The following LMOD1 variants were observed in gnomAD, a reference collection of about 807,000 sequenced individuals.
LMOD1 encodes leiomodin-1.
LMOD1 carries 8 observed loss-of-function variants against 36.5 expected under a neutral mutation model. The ratio of observed to expected loss-of-function variants is 0.22; its 90% CI spans 0.13 to 0.40. The LOEUF is 0.40. Ranked by LOEUF, LMOD1 falls within the 10% of genes least tolerant of loss-of-function variation. The probability of loss-of-function intolerance (pLI) is 1.00; values close to 1 mark genes in which losing one functional copy is unlikely to be tolerated. For synonymous variants in LMOD1, 284 were observed against 288.7 expected, an observed-to-expected ratio of 0.98 and a Z score of 0.17; for missense variants, 630 against 751.1, an observed-to-expected ratio of 0.84 and a Z score of 1.88.
chr1:201,927,334 G>A (rs10800798), intron 1 of LMOD1, among the ~76,000 whole-genome samples: 31,642 of 152,016 alleles, frequency 0.21, 3,718 homozygotes, highest in East Asian at 0.42. Flanking sequence ...TTGGGAGGCC[G>A]AGGTGGGAGG....
chr1:201,916,878 G>T (rs1031968338), intron 1 of LMOD1, among the ~76,000 whole-genome samples: 19 of 152,182 alleles, frequency 1.2e-4, no homozygotes, highest in African/African-American at 4.1e-4. Flanking sequence ...AAACAGAAAC[G>T]CCATGATTCA....
intron 1 of LMOD1, among the ~76,000 whole-genome samples, chr1:201,901,677 C>CAT (rs1320850090): frequency 7.9e-5 from 7 of 88,598 alleles, no homozygotes; most frequent in African/African-American, 2.2e-4. Flanking sequence ...TATATATACA[C>CAT]ATATATATAT....
chr1:201,908,461 T>A (rs1487591367), intron 1 of LMOD1, among the ~76,000 whole-genome samples: 4 of 152,154 alleles, frequency 2.6e-5, no homozygotes, highest in Non-Finnish European at 5.9e-5. Flanking sequence ...AACATACTTT[T>A]GGGAATGTTC....
At chr1:201,946,055 C>T in intron 1 of LMOD1, 25 bp downstream of exon 1, 1 of 1,598,324 alleles carries the variant, frequency 6.3e-7, no homozygotes, top group Non-Finnish European at 8.6e-7. Context: ...TCTCCCTCCT[C>T]CCCTCCAGGG....
Position 201,900,140 on chromosome 1 carries a change from G to C in LMOD1, c.873C>G (p.Pro291=). ...TGGGGCCACTGGGCGTCTGTTTCTC[G>C]GGTGTTTTGGTCTTGCTGTCATCCT... ...EAKDDSKTKT[P]EKQTPSGPTK... is the part of the protein sequence containing the mutation. Residue 291 remains proline, a synonymous_variant, in exon 2 of 3, where the codon CCC becomes CCG. Coordinates refer to ENST00000367288, the MANE Select transcript of LMOD1 (RefSeq NM_012134.3). The C allele has an allele frequency of 6.2e-7, 1 of 1,613,860 alleles. No homozygotes were observed. The highest frequency in any genetic ancestry group is 1.3e-5 in the African/African-American group (1 of 74,992).
chr1:201,936,673 A>G (rs923026821), intron 1 of LMOD1, among the ~76,000 whole-genome samples: 5 of 152,132 alleles, frequency 3.3e-5, no homozygotes, highest in Admixed American at 2.6e-4. Flanking sequence ...GTGGTGGCTC[A>G]CACCTGTAAT....
Position 201,898,293 on chromosome 1 carries a change from G to C in LMOD1, c.*79C>G. On this transcript the variant is annotated 3_prime_UTR_variant, in exon 3 of 3. Transcript: ENST00000367288. Reference sequence around the variant, plus strand: ...CCACAGCAGGTCAGCCAGGGATGGGGTGGGCAGGGTCTGTGTAGCCCTGGG... The same window carrying C: ...CCACAGCAGGTCAGCCAGGGATGGGCTGGGCAGGGTCTGTGTAGCCCTGGG... 1 of 1,453,606 alleles carries C rather than the reference G, an allele frequency of 6.9e-7. No homozygotes were observed. Among genetic ancestry groups the C allele is most frequent in the Non-Finnish European group, 9.5e-7 (1 of 1,047,616 alleles). The allele number at this position is 1,453,606 out of a possible 1,614,324, so 90.0% of individuals were successfully genotyped here. A position where few individuals can be genotyped will look rare whatever the true frequency, so the allele number is the denominator to read the frequency against.
rs1288029091 is a variant in LMOD1, at chr1:201,896,766, C to G, written c.*1606G>C. 4 of 454,172 alleles carry G rather than the reference C, an allele frequency of 8.8e-6. No homozygotes were observed. Among genetic ancestry groups the G allele is most frequent in the Non-Finnish European group, 1.8e-5 (4 of 226,124 alleles). 28.1% of individuals were successfully genotyped at this position (454,172 alleles called of 1,614,324 possible). On this transcript the variant is annotated 3_prime_UTR_variant, in exon 3 of 3. Transcript: ENST00000367288. ...GTGATTGCTTAGGTGACTGGGGTGA[C>G]AGGCAAGTGGGTGGAGGGAATGGAG...
At position 201,899,937 on chromosome 1, in the gene LMOD1, G is replaced by A; in HGVS notation, c.1076C>T (p.Thr359Ile). Residue 359 changes from threonine to isoleucine, a missense_variant, in exon 2 of 3, where the codon ACT becomes ATT. Thr to Ile is a moderately conservative substitution (Grantham distance 89, BLOSUM62 -1). Transcript: ENST00000367288. The surrounding 1 kb of genome is among the most constrained non-coding windows in gnomAD (Gnocchi z 6.3). ...VRFTEALEFN[T>I]VVKLFALANT... The stretch of plus-strand genomic sequence containing the variant: ...GGCCAAGGCGAACAGCTTAACCACA[G>A]TGTTGAACTCCAGAGCCTCAGTAAA... The A allele has an allele frequency of 6.2e-7, 1 of 1,613,996 alleles. No homozygotes were observed. The highest frequency in any genetic ancestry group is 8.5e-7 in the Non-Finnish European group (1 of 1,179,882).
intron 1 of LMOD1, among the ~76,000 whole-genome samples, chr1:201,901,898 T>C (rs1008091211): frequency 8.7e-5 from 13 of 148,848 alleles, no homozygotes; most frequent in Non-Finnish European, 1.3e-4. Flanking sequence ...GATCAACATA[T>C]GCTAACATTT....
rs1681241385 is a variant in LMOD1 at position 201,899,009 on chromosome 1, A to C, written c.1776+228T>G. On this transcript the variant is annotated intron_variant, in intron 2 of 2. Coordinates refer to ENST00000367288, the MANE Select transcript of LMOD1 (RefSeq NM_012134.3). This position sits in a 1 kb window ranked among gnomAD's most constrained non-coding sequence, Gnocchi z 6.3. Reference sequence around the variant, plus strand: ...AAGCATGGAGTGAGGTATTAAAGGAAGCTCCTTAAAGGAAGGGTAGAGTCT... The same window carrying C: ...AAGCATGGAGTGAGGTATTAAAGGACGCTCCTTAAAGGAAGGGTAGAGTCT... Among the ~76,000 whole-genome samples, 1 of 152,160 alleles carries C rather than the reference A, an allele frequency of 6.6e-6. No individual in the cohort carries two copies. Among genetic ancestry groups the C allele is most frequent in the Non-Finnish European group, 1.5e-5 (1 of 68,034 alleles).
intron 1 of LMOD1, among the ~76,000 whole-genome samples, chr1:201,901,754 A>G (rs1449044288): frequency 2.1e-5 from 3 of 144,716 alleles, no homozygotes; most frequent in Non-Finnish European, 3.0e-5. Flanking sequence ...ATCCGCTTAT[A>G]TTCTGTGCCC....
intron 1 of LMOD1, among the ~76,000 whole-genome samples, chr1:201,917,419 A>G (rs1404932731): frequency 6.6e-6 from 1 of 152,234 alleles, no homozygotes; most frequent in African/African-American, 2.4e-5. Context: ...TGCAATAGCT[A>G]AGACTTCACA....
intron 1 of LMOD1, among the ~76,000 whole-genome samples, chr1:201,907,984 C>T (rs1311220211): frequency 6.6e-6 from 1 of 152,118 alleles, no homozygotes; most frequent in Non-Finnish European, 1.5e-5. Context: ...GGCATGCCCC[C>T]CACCATAGAG....
Position 201,896,486 on chromosome 1 carries a change from A to T in LMOD1, c.*1886T>A, listed in dbSNP as rs1229770734. ...TCTGACTTTTATTAGCTGTGTGATC[A>T]TGGATATATTAGTTAACCTCTCTGG... is the stretch of plus-strand genomic sequence containing the variant. On this transcript the variant is annotated 3_prime_UTR_variant, in exon 3 of 3. Coordinates refer to ENST00000367288, the MANE Select transcript of LMOD1 (RefSeq NM_012134.3). 1 of 456,700 alleles carries T rather than the reference A, an allele frequency of 2.2e-6. No homozygotes were observed. Among genetic ancestry groups the T allele is most frequent in the East Asian group, 6.9e-5 (1 of 14,396 alleles). The allele number at this position is 456,700 out of a possible 1,614,324, so 28.3% of individuals were successfully genotyped here. A position where few individuals can be genotyped will look rare whatever the true frequency, so the allele number is the denominator to read the frequency against.
Position 201,931,342 on chromosome 1 carries a change from C to T in LMOD1, c.261+14738G>A, listed in dbSNP as rs187834728. 2.7e-3 allele frequency among the ~76,000 whole-genome samples: 407 copies of T among 152,246 alleles called. 2 individuals carry two copies. Among genetic ancestry groups the T allele is most frequent in the African/African-American group, 9.4e-3 (392 of 41,568 alleles). On this transcript the variant is annotated intron_variant, in intron 1 of 2. Transcript: ENST00000367288. ...TTGAGGGCAAGAGTTCGAGACCGGC[C>T]TGGCCAACATGGCGAAACCTCGTCT... is the stretch of plus-strand genomic sequence containing the variant.
At chr1:201,930,027 C>A (rs1044107617) in intron 1 of LMOD1, among the ~76,000 whole-genome samples, 1 of 151,992 alleles carries the variant, frequency 6.6e-6, no homozygotes, top group African/African-American at 2.4e-5. Flanking sequence ...CAGTTGGAGG[C>A]GACAATATGT....
chr1:201,943,402 ACT>A (rs1191149509), intron 1 of LMOD1, among the ~76,000 whole-genome samples: 2 of 152,202 alleles, frequency 1.3e-5, no homozygotes, highest in Non-Finnish European at 2.9e-5. Flanking sequence ...ATCTTGCTTT[ACT>A]CTCTGTTTTG....
intron 1 of LMOD1, among the ~76,000 whole-genome samples, chr1:201,920,045 CTTTTTTTTTTT>C (rs576044641): frequency 4.2e-4 from 22 of 52,502 alleles, no homozygotes; most frequent in Non-Finnish European, 6.9e-4. Flanking sequence ...GGCTCTCTCT[CTTTTTTTTTTT>C]TTTTTTTTTT....
Sources: allele counts gnomAD v4.1 joint callset (sites outside exome capture counted in the v4.1 genomes callset), GRCh38; gene constraint gnomAD v4.1.1; non-coding constraint Gnocchi (gnomAD v3.1); transcripts MANE v1.5; gene names NCBI Gene and HGNC (gene_info 2026-07-23, HGNC 2026-07-21).